The following VGLL4 variants were observed in gnomAD, a reference collection of about 807,000 sequenced individuals.
VGLL4 encodes the protein transcription cofactor vestigial-like protein 4.
A neutral mutation model predicts 21.0 loss-of-function variants in VGLL4; 7 were observed. The ratio of observed to expected loss-of-function variants is 0.33; its 90% CI spans 0.19 to 0.63. VGLL4 has a LOEUF of 0.63. Among genes scored for constraint, VGLL4 ranks in the 20% least tolerant of loss-of-function variants. The probability of loss-of-function intolerance (pLI) is 0.78; values close to 1 mark genes in which losing one functional copy is unlikely to be tolerated. For missense variants in VGLL4, 394 were observed against 425.7 expected, an observed-to-expected ratio of 0.93 and a Z score of 0.66; for synonymous variants, 222 against 173.2, an observed-to-expected ratio of 1.28 and a Z score of -2.21.
chr3:11,618,900 C>CCT (rs989674441), intron 1 of VGLL4, among the ~76,000 whole-genome samples: 2 of 152,138 alleles, frequency 1.3e-5, no homozygotes, highest in African/African-American at 4.8e-5. Flanking sequence ...TATCCTCCCA[C>CCT]CTCTCTCTCT....
upstream of VGLL4, chr3:11,644,057 GGAGGGGGA>G: frequency 1.1e-6 from 1 of 936,616 alleles, no homozygotes; most frequent in Non-Finnish European, 1.3e-6. Flanking sequence ...AAGAGAAAGG[GGAGGGGGA>G]GAGACTCTAG....
intron 2 of VGLL4, chr3:11,671,368 G>T: frequency 9.1e-7 from 1 of 1,093,030 alleles, no homozygotes; most frequent in Non-Finnish European, 1.4e-6. Context: ...CTACGATTCT[G>T]CATTTCTAAC....
intron 2 of VGLL4, among the ~76,000 whole-genome samples, chr3:11,579,997 A>T (rs1014094585): frequency 6.6e-6 from 1 of 152,210 alleles, no homozygotes; most frequent in Non-Finnish European, 1.5e-5. Context: ...GTTGACCTGA[A>T]GTTGGTCATC....
At chr3:11,690,222 A>G (rs914307551) in intron 2 of VGLL4, among the ~76,000 whole-genome samples, 3 of 152,138 alleles carry the variant, frequency 2.0e-5, no homozygotes, top group East Asian at 1.9e-4. Flanking sequence ...CCTTTTGTCA[A>G]TATAATCCCA....
intron 2 of VGLL4, among the ~76,000 whole-genome samples, chr3:11,649,795 C>T (rs2075841731): frequency 6.6e-6 from 1 of 152,178 alleles, no homozygotes; most frequent in Non-Finnish European, 1.5e-5. Flanking sequence ...TGTCATATGT[C>T]AGTACCAATT....
chr3:11,597,704 A>G (rs2074679820), intron 2 of VGLL4, among the ~76,000 whole-genome samples: 1 of 152,054 alleles, frequency 6.6e-6, no homozygotes, highest in Non-Finnish European at 1.5e-5. Flanking sequence ...TATAAACCCC[A>G]GCTTTAGTCC....
intron 2 of VGLL4, among the ~76,000 whole-genome samples, chr3:11,665,395 G>A (rs955735720): frequency 6.6e-6 from 1 of 152,174 alleles, no homozygotes; most frequent in Non-Finnish European, 1.5e-5. Context: ...TTACAGGCCT[G>A]AGCCACCGCG....
intron 1 of VGLL4, among the ~76,000 whole-genome samples, chr3:11,621,196 T>C (rs997128482): frequency 1.3e-5 from 2 of 152,218 alleles, no homozygotes; most frequent in African/African-American, 4.8e-5. Context: ...TCACATGCCA[T>C]ATAATTCACC....
At chr3:11,632,556 C>T (rs567956350) in intron 1 of VGLL4, among the ~76,000 whole-genome samples, 1 of 152,266 alleles carries the variant, frequency 6.6e-6, no homozygotes, top group African/African-American at 2.4e-5. Flanking sequence ...AAATTTTCTG[C>T]AAGTTTCCTT....
At chr3:11,665,244 G>A (rs1452970646) in intron 2 of VGLL4, among the ~76,000 whole-genome samples, 2 of 150,442 alleles carry the variant, frequency 1.3e-5, no homozygotes, top group Non-Finnish European at 3.0e-5. Context: ...CTCCCGAGTA[G>A]CTGGGACTAC....
chr3:11,661,153 A>G (rs984122535), intron 2 of VGLL4, among the ~76,000 whole-genome samples: 4 of 152,150 alleles, frequency 2.6e-5, no homozygotes, highest in Non-Finnish European at 5.9e-5. Context: ...GCTGGAAAGA[A>G]AGCTCTCTGA....
chr3:11,682,652 G>A (rs187835808), intron 2 of VGLL4, among the ~76,000 whole-genome samples: 9 of 152,160 alleles, frequency 5.9e-5, no homozygotes, highest in African/African-American at 1.9e-4. Context: ...AGAGTACCAG[G>A]AGTAGTTACA....
At chr3:11,677,954 A>G (rs1032965027) in intron 2 of VGLL4, among the ~76,000 whole-genome samples, 3 of 151,570 alleles carry the variant, frequency 2.0e-5, no homozygotes, top group Non-Finnish European at 4.4e-5. Flanking sequence ...GTTAATGTGT[A>G]GCCATATTGC....
intron 2 of VGLL4, among the ~76,000 whole-genome samples, chr3:11,588,024 G>C (rs2074400383): frequency 6.6e-6 from 1 of 152,230 alleles, no homozygotes; most frequent in Non-Finnish European, 1.5e-5. Flanking sequence ...GGCACATGTG[G>C]AAGTAAACAT....
At chr3:11,572,533 C>A (rs1468183050) in intron 2 of VGLL4, among the ~76,000 whole-genome samples, 1 of 152,204 alleles carries the variant, frequency 6.6e-6, no homozygotes, top group Non-Finnish European at 1.5e-5. Flanking sequence ...CCTCCTCAGT[C>A]CCATTCCCCT....
At chr3:11,651,492 AC>A (rs1298686598) in intron 2 of VGLL4, among the ~76,000 whole-genome samples, 4 of 150,334 alleles carry the variant, frequency 2.7e-5, no homozygotes, top group Admixed American at 2.7e-4. Flanking sequence ...TGAATTACCA[AC>A]CCCCCGCCCC....
In VGLL4 at chr3:11,565,142, G is replaced by A. The variant is rs2073408673; in HGVS notation, c.273-123C>T. The A allele has an allele frequency of 6.9e-6, 7 of 1,012,852 alleles. No homozygotes were observed. The South Asian group carries it at 1.5e-4, about 22-fold the overall frequency. The allele number at this position is 1,012,852 out of a possible 1,614,324, so 62.7% of individuals were successfully genotyped here. A position where few individuals can be genotyped will look rare whatever the true frequency, so the allele number is the denominator to read the frequency against. On this transcript the variant is annotated intron_variant, in intron 2 of 4. Transcript: ENST00000430365. The surrounding 1 kb of genome is among the most constrained non-coding windows in gnomAD (Gnocchi z 4.1). ...ACCCTGAAGCTCAGGTCGTGTGGCT[G>A]GGCAGCACGATGAGGAGCCGGTTGC...
At chr3:11,626,399 A>G (rs896633971) in intron 1 of VGLL4, 3 of 456,808 alleles carry the variant, frequency 6.6e-6, no homozygotes, top group African/African-American at 6.0e-5. Flanking sequence ...CTTTTCTTCA[A>G]GTCTTTCATT....
At chr3:11,601,383 C>T (rs560999618) in intron 2 of VGLL4, among the ~76,000 whole-genome samples, 13 of 152,318 alleles carry the variant, frequency 8.5e-5, no homozygotes, top group Admixed American at 5.2e-4. Flanking sequence ...TGTGTACAAT[C>T]CTAGACTCCT....
Sources: allele counts gnomAD v4.1 joint callset (sites outside exome capture counted in the v4.1 genomes callset), GRCh38; gene constraint gnomAD v4.1.1; non-coding constraint Gnocchi (gnomAD v3.1); transcripts MANE v1.5; gene names NCBI Gene and HGNC (gene_info 2026-07-23, HGNC 2026-07-21).